NLN: variants seen among roughly 807,000 people sequenced by gnomAD.
The protein encoded by NLN is neurolysin, mitochondrial.
A neutral mutation model predicts 79.9 loss-of-function variants in NLN; 64 were observed. The ratio of observed to expected loss-of-function variants is 0.80; its 90% CI spans 0.65 to 0.99. The LOEUF (loss-of-function observed/expected upper bound fraction) is 0.99, where lower values mean the gene tolerates loss of function less well. Ranked by LOEUF, NLN falls within the 50% of genes least tolerant of loss-of-function variation. The pLI is 0.00. For synonymous variants in NLN, 267 were observed against 296.6 expected, an observed-to-expected ratio of 0.90 and a Z score of 1.02; for missense variants, 835 against 858.7, an observed-to-expected ratio of 0.97 and a Z score of 0.34.
At chr5:65,755,091 T>C (rs969911403) in intron 1 of NLN, among the ~76,000 whole-genome samples, 1 of 152,192 alleles carries the variant, frequency 6.6e-6, no homozygotes, top group East Asian at 1.9e-4. Context: ...TTGATTTTAC[T>C]AAGACTGTAG....
At chr5:65,730,854 T>TA (rs1443571907) in intron 1 of NLN, among the ~76,000 whole-genome samples, 5 of 152,230 alleles carry the variant, frequency 3.3e-5, no homozygotes, top group Non-Finnish European at 7.3e-5. Flanking sequence ...GCCTGGCCTG[T>TA]ACTCACCTTT....
At chr5:65,813,274 TC>T (rs979091676) in intron 12 of NLN, among the ~76,000 whole-genome samples, 1 of 145,010 alleles carries the variant, frequency 6.9e-6, no homozygotes, top group Admixed American at 6.8e-5. Flanking sequence ...TCATCTCCCA[TC>T]CCACCCCACC....
rs1314478339 is a variant in NLN at position 65,809,554 on chromosome 5, G to T, written c.1567G>T (p.Asp523Tyr). The change falls in exon 10 of 13, where the codon GAC becomes TAC. Residue 523 changes from aspartate (D) to tyrosine (Y), a missense_variant. Physicochemically the swap from Asp to Tyr is radical, Grantham distance 160 (BLOSUM62 -3). Coordinates refer to ENST00000380985, the MANE Select transcript of NLN (RefSeq NM_020726.5). Reference protein sequence around the residue: ...ARFSGTNVETDFVEVPSQMLE... With the variant: ...ARFSGTNVETYFVEVPSQMLE... ...ATTTAGCGGAACAAATGTGGAAACT[G>T]ACTTTGTAGAGGTGCCATCGCAAAT... 6.2e-7 allele frequency: 1 copy of T among 1,610,202 alleles called. No individual in the cohort carries two copies. Among genetic ancestry groups the T allele is most frequent in the Non-Finnish European group, 8.5e-7 (1 of 1,179,074 alleles).
intron 1 of NLN, among the ~76,000 whole-genome samples, chr5:65,726,737 T>C (rs1758482472): frequency 6.6e-6 from 1 of 152,258 alleles, no homozygotes; most frequent in Non-Finnish European, 1.5e-5. Flanking sequence ...CATAAGGGCA[T>C]ATCTTACAGT....
At chr5:65,755,139 A>AT (rs1225870213) in intron 1 of NLN, among the ~76,000 whole-genome samples, 5 of 151,928 alleles carry the variant, frequency 3.3e-5, no homozygotes, top group Admixed American at 6.6e-5. Context: ...TTTATATTCC[A>AT]TTTCTTCCTA....
At chr5:65,821,191 G>A (rs1760789263) in intron 12 of NLN, among the ~76,000 whole-genome samples, 1 of 152,134 alleles carries the variant, frequency 6.6e-6, no homozygotes, top group Non-Finnish European at 1.5e-5. Context: ...ATCAGTGACT[G>A]AGTGCCTTCT....
At chr5:65,755,101 GT>G (rs1000577331) in intron 1 of NLN, among the ~76,000 whole-genome samples, 1 of 152,012 alleles carries the variant, frequency 6.6e-6, no homozygotes, top group African/African-American at 2.4e-5. Context: ...TAAGACTGTA[GT>G]TTTTCTGTCT....
chr5:65,779,928 C>T, intron 4 of NLN: 1 of 292,870 alleles, frequency 3.4e-6, no homozygotes, highest in Non-Finnish European at 6.3e-6. Context: ...TTTTTTCAAA[C>T]AATTCTCCTG....
At chr5:65,727,404 A>G (rs1293113771) in intron 1 of NLN, among the ~76,000 whole-genome samples, 2 of 152,174 alleles carry the variant, frequency 1.3e-5, no homozygotes, top group Non-Finnish European at 2.9e-5. Context: ...TCCTGGCCAC[A>G]AATGATCCTC....
intron 3 of NLN, among the ~76,000 whole-genome samples, chr5:65,767,484 A>G (rs1759477815): frequency 6.6e-6 from 1 of 152,160 alleles, no homozygotes; most frequent in African/African-American, 2.4e-5. Flanking sequence ...AGGGGGGAGC[A>G]CAAAACCATT....
At chr5:65,815,469 A>AT (rs1364901431) in intron 12 of NLN, among the ~76,000 whole-genome samples, 3 of 152,200 alleles carry the variant, frequency 2.0e-5, no homozygotes, top group Non-Finnish European at 2.9e-5. Flanking sequence ...GTTGAAAACA[A>AT]TTTTCAGTGT....
chr5:65,745,671 G>T (rs1371900547), intron 1 of NLN, among the ~76,000 whole-genome samples: 1 of 152,204 alleles, frequency 6.6e-6, no homozygotes, highest in East Asian at 1.9e-4. Flanking sequence ...CTGGAGCATA[G>T]ATATGAGAGC....
intron 8 of NLN, among the ~76,000 whole-genome samples, chr5:65,789,194 A>T (rs1760002445): frequency 6.6e-6 from 1 of 152,346 alleles, no homozygotes; most frequent in East Asian, 1.9e-4. Flanking sequence ...GCTTCTTAGT[A>T]TACAGATTTA....
rs1758319032 is a variant in NLN, at chr5:65,722,235, AG to A, written c.-136del. 1 of 465,202 alleles carries A rather than the reference AG, an allele frequency of 2.1e-6. No individual in the cohort carries two copies. 28.8% of individuals were successfully genotyped at this position (465,202 alleles called of 1,614,324 possible). ...CCGGCGTGGAGCTGCCGCACGTGGG[AG>A]GGCGCTGGCCAGGCAGCCACTGTGG... is the stretch of plus-strand genomic sequence containing the variant. On this transcript the variant is annotated 5_prime_UTR_variant, in exon 1 of 13. Transcript: ENST00000380985.
intron 1 of NLN, 35 bp downstream of exon 1, chr5:65,722,449 G>A: frequency 6.4e-7 from 1 of 1,556,164 alleles, no homozygotes; most frequent in East Asian, 2.5e-5. Context: ...TTGGCCGTGG[G>A]CAGGGCGGGG....
chr5:65,726,058 G>A (rs1758461691), intron 1 of NLN, among the ~76,000 whole-genome samples: 2 of 150,566 alleles, frequency 1.3e-5, no homozygotes, highest in Admixed American at 6.6e-5. Flanking sequence ...TTTGCAGTGC[G>A]CCGAGATTGT....
At chr5:65,792,741 G>A (rs1384846302) in intron 9 of NLN, 86 bp downstream of exon 9, 8 of 1,138,552 alleles carry the variant, frequency 7.0e-6, no homozygotes, top group Non-Finnish European at 1.1e-5. Context: ...GCTCCTAACA[G>A]GTTTTTTCAG....
chr5:65,824,315 A>G lies in NLN; in HGVS notation c.*1400A>G, dbSNP rs991544548. On this transcript the variant is annotated 3_prime_UTR_variant, in exon 13 of 13. Coordinates refer to ENST00000380985, the MANE Select transcript of NLN (RefSeq NM_020726.5). ...ATTATACTACATAATAAAGTTACAG[A>G]TAGCAGGAAATGCAAGAGCTAGGAG... is the stretch of plus-strand genomic sequence containing the variant. 1 of 152,134 alleles carries G rather than the reference A, an allele frequency of 6.6e-6. No individual in the cohort carries two copies. Among genetic ancestry groups the G allele is most frequent in the African/African-American group, 2.4e-5 (1 of 41,420 alleles). The allele number at this position is 152,134 out of a possible 1,614,324, so 9.4% of individuals were successfully genotyped here.
chr5:65,799,303 T>G (rs1250949775), intron 9 of NLN, among the ~76,000 whole-genome samples: 2 of 152,130 alleles, frequency 1.3e-5, no homozygotes, highest in Non-Finnish European at 2.9e-5. Context: ...GAATTTAGCT[T>G]GAGGACATGA....
Sources: allele counts gnomAD v4.1 joint callset (sites outside exome capture counted in the v4.1 genomes callset), GRCh38; gene constraint gnomAD v4.1.1; transcripts MANE v1.5; gene names NCBI Gene and HGNC (gene_info 2026-07-23, HGNC 2026-07-21).